The following RASGRP2 variants were observed in gnomAD, a reference collection of about 807,000 sequenced individuals.
RASGRP2 encodes RAS guanyl releasing protein 2.
A neutral mutation model predicts 71.0 loss-of-function variants in RASGRP2; 44 were observed. That is an observed-to-expected ratio of 0.62 (90% confidence interval 0.49 to 0.80). RASGRP2 has a LOEUF of 0.80. Among genes scored for constraint, RASGRP2 ranks in the 30% least tolerant of loss-of-function variants. RASGRP2 has a pLI of 0.00. For missense variants in RASGRP2, 663 were observed against 813.4 expected, an observed-to-expected ratio of 0.82 and a Z score of 2.25; for synonymous variants, 350 against 330.7, an observed-to-expected ratio of 1.06 and a Z score of -0.63.
At position 64,739,566 on chromosome 11, in the gene RASGRP2, G is replaced by C; in HGVS notation, c.696+70C>G. On this transcript the variant is annotated intron_variant, in intron 7 of 16. Coordinates refer to ENST00000394432, the MANE Select transcript of RASGRP2 (RefSeq NM_001098671.2). This position sits in a 1 kb window ranked among gnomAD's most constrained non-coding sequence, Gnocchi z 4.2. ...TATCTAGAGAGAAGGCAGTGGGTTAGGGGAAGGGAAGGGTTGGCCTGACTG... is the reference window on the plus strand; with the variant it reads ...TATCTAGAGAGAAGGCAGTGGGTTACGGGAAGGGAAGGGTTGGCCTGACTG... 6.2e-7 allele frequency: 1 copy of C among 1,611,574 alleles called. No individual in the cohort carries two copies. The highest frequency in any genetic ancestry group is 8.5e-7 in the Non-Finnish European group (1 of 1,177,894).
chr11:64,738,145 C>G (rs1426660004), intron 8 of RASGRP2, among the ~76,000 whole-genome samples: 1 of 152,100 alleles, frequency 6.6e-6, no homozygotes, highest in Admixed American at 6.5e-5. Context: ...AATGAAAAGA[C>G]TCTCAGAACC....
Position 64,742,902 on chromosome 11 carries a change from G to C in RASGRP2, c.-36C>G, listed in dbSNP as rs769207997. ...GCGGGGTGGGCTGGGCCCAGGCTGC[G>C]CTCCGGGAGCCTCCCACCGGGCTCG... On this transcript the variant is annotated 5_prime_UTR_variant, in exon 2 of 17. Transcript: ENST00000394432. The surrounding 1 kb of genome is among the most constrained non-coding windows in gnomAD (Gnocchi z 4.7). 4 of 1,555,388 alleles carry C rather than the reference G, an allele frequency of 2.6e-6. No individual in the cohort carries two copies. The South Asian group carries it at 4.7e-5, about 18-fold the overall frequency.
At chr11:64,740,308 ACTC>A (rs985036484) in intron 5 of RASGRP2, 145 bp from the exon 6 acceptor site, 25 of 969,464 alleles carry the variant, frequency 2.6e-5, no homozygotes, top group African/African-American at 6.4e-5. Context: ...AGTCCCAGCA[ACTC>A]CTCCTCATCT....
intron 5 of RASGRP2, 129 bp downstream of exon 5, chr11:64,740,819 G>A (rs2058096529): frequency 3.2e-6 from 4 of 1,252,798 alleles, no homozygotes; most frequent in Middle Eastern, 3.7e-4. Context: ...AGGCAATAGG[G>A]AGCCATGGAA....
At position 64,739,561 on chromosome 11, in the gene RASGRP2, G is replaced by A; in HGVS notation, c.696+75C>T. The A allele has an allele frequency of 1.9e-6, 3 of 1,610,680 alleles. No homozygotes were observed. Among genetic ancestry groups the A allele is most frequent in the Non-Finnish European group, 2.5e-6 (3 of 1,177,030 alleles). On this transcript the variant is annotated intron_variant, in intron 7 of 16. Transcript: ENST00000394432. The surrounding 1 kb of genome is among the most constrained non-coding windows in gnomAD (Gnocchi z 4.2). ...CAGCTTATCTAGAGAGAAGGCAGTG[G>A]GTTAGGGGAAGGGAAGGGTTGGCCT...
intron 3 of RASGRP2, 25 bp downstream of exon 3, chr11:64,741,985 C>T: frequency 6.3e-7 from 1 of 1,590,354 alleles, no homozygotes; most frequent in Non-Finnish European, 8.6e-7. Flanking sequence ...ACGGCGGGGG[C>T]CTTGGCAAGG....
chr11:64,735,663 G>T lies in RASGRP2; in HGVS notation c.1175C>A (p.Pro392Gln), dbSNP rs748007505. Reference sequence around the variant, plus strand: ...TGGGGTGCAACTCGTGGGGCTGGTTGGCTATGGAAATGGTCGGGCCTGAGC... The same window carrying T: ...TGGGGTGCAACTCGTGGGGCTGGTTTGCTATGGAAATGGTCGGGCCTGAGC... ...LQREPRSKSS[P>Q]TSPTSCTPPP... Residue 392 changes from proline to glutamine, a missense_variant and splice_region_variant, in exon 11 of 17, where the codon CCA (proline) becomes CAA (glutamine). Transcript: ENST00000394432. The surrounding 1 kb of genome is among the most constrained non-coding windows in gnomAD (Gnocchi z 4.2). The T allele has an allele frequency of 3.1e-6, 5 of 1,610,640 alleles. No individual in the cohort carries two copies. In the Admixed American group the frequency reaches 6.7e-5, roughly 22 times the overall value.
chr11:64,742,378 C>A lies in RASGRP2; in HGVS notation c.74-266G>T. On this transcript the variant is annotated intron_variant, in intron 2 of 16. Coordinates refer to ENST00000394432, the MANE Select transcript of RASGRP2 (RefSeq NM_001098671.2). This position sits in a 1 kb window ranked among gnomAD's most constrained non-coding sequence, Gnocchi z 4.7. The stretch of plus-strand genomic sequence containing the variant: ...GGGAACCAGCTGGGGCGGAAGGAGC[C>A]TGGGTTCCCCGGGGTCAAGAATCCA... 1 of 587,040 alleles carries A rather than the reference C, an allele frequency of 1.7e-6. No homozygotes were observed. 36.4% of individuals were successfully genotyped at this position (587,040 alleles called of 1,614,324 possible).
upstream of RASGRP2, chr11:64,744,265 C>T: frequency 5.1e-6 from 5 of 985,650 alleles, no homozygotes; most frequent in Non-Finnish European, 6.0e-6. Flanking sequence ...CTCCCTGACT[C>T]CCCTCACTCC....
chr11:64,739,835 C>T lies in RASGRP2; in HGVS notation c.523-26G>A. On this transcript the variant is annotated intron_variant, in intron 6 of 16. Transcript: ENST00000394432. This position sits in a 1 kb window ranked among gnomAD's most constrained non-coding sequence, Gnocchi z 4.2. ...CTGGGGGCATGAGGAGTGGCCTCAG[C>T]ACCTTGCTGGCCTCTCCCCTCACTG... is the stretch of plus-strand genomic sequence containing the variant. The T allele has an allele frequency of 6.2e-7, 1 of 1,613,042 alleles. No individual in the cohort carries two copies. The highest frequency in any genetic ancestry group is 8.5e-7 in the Non-Finnish European group (1 of 1,179,736).
chr11:64,743,583 T>G lies in RASGRP2; in HGVS notation c.-72+420A>C. On this transcript the variant is annotated intron_variant, in intron 1 of 16. Transcript: ENST00000394432. The surrounding 1 kb of genome is among the most constrained non-coding windows in gnomAD (Gnocchi z 4.9). ...GAGGCGTCAGCGGGAAGCCTGAGCC[T>G]GGGAACTGAGCGCTCCCAGGCCACC... 5.5e-6 allele frequency: 2 copies of G among 365,310 alleles called. No homozygotes were observed. The highest frequency in any genetic ancestry group is 5.3e-6 in the Non-Finnish European group (1 of 189,492). The allele number at this position is 365,310 out of a possible 1,614,324, so 22.6% of individuals were successfully genotyped here. A position where few individuals can be genotyped will look rare whatever the true frequency, so the allele number is the denominator to read the frequency against.
At chr11:64,741,102 A>T in intron 4 of RASGRP2, 23 bp from the exon 5 acceptor site, 1 of 1,610,072 alleles carries the variant, frequency 6.2e-7, no homozygotes, top group Non-Finnish European at 8.5e-7. Flanking sequence ...GGAGTCACCC[A>T]AGATAGCCCT....
rs895792195 is a variant in RASGRP2, at chr11:64,727,359, C to G, written c.1773G>C (p.Glu591Asp). 1 of 1,613,908 alleles carries G rather than the reference C, an allele frequency of 6.2e-7. No homozygotes were observed. Among genetic ancestry groups the G allele is most frequent in the Non-Finnish European group, 8.5e-7 (1 of 1,179,882 alleles). The change falls in exon 16 of 17, where the codon GAG (glutamate) becomes GAC (aspartate). Residue 591 changes from glutamate to aspartate, a missense_variant and splice_region_variant. Coordinates refer to ENST00000394432, the MANE Select transcript of RASGRP2 (RefSeq NM_001098671.2). Reference protein sequence around the residue: ...RPGRRGSRPPEIREEEVQTVE... With the variant: ...RPGRRGSRPPDIREEEVQTVE... ...CCGTCTGTACCTCCTCCTCACGGAT[C>G]TCTGCTGGGAGGGGGATTGCTGCAG...
At position 64,735,949 on chromosome 11, in the gene RASGRP2, T is replaced by C. The variant is rs777519573; in HGVS notation, c.1127A>G (p.Glu376Gly). 3 of 1,613,930 alleles carry C rather than the reference T, an allele frequency of 1.9e-6. No homozygotes were observed. The highest frequency in any genetic ancestry group is 2.2e-5 in the South Asian group (2 of 91,072). ...VSLDQYQTED[E>G]LYQLSLQREP... Reference sequence around the variant, plus strand: ...CCGCTGCAGGGACAGCTGGTACAGCTCATCCTCCGTCTGATACTGATCCAG... The same window carrying C: ...CCGCTGCAGGGACAGCTGGTACAGCCCATCCTCCGTCTGATACTGATCCAG... The change falls in exon 10 of 17, where the codon GAG becomes GGG. Residue 376 changes from glutamate (E) to glycine (G), a missense_variant. Glu to Gly is a moderately conservative substitution (Grantham distance 98). Transcript: ENST00000394432. This position sits in a 1 kb window ranked among gnomAD's most constrained non-coding sequence, Gnocchi z 4.2.
Position 64,729,002 on chromosome 11 carries a change from C to A in RASGRP2, c.1632G>T (p.Leu544=). The change falls in exon 15 of 17, where the codon CTG becomes CTT. Residue 544 remains leucine, a synonymous_variant. Transcript: ENST00000394432. ...VNCHKQCKDR[L]SVECRRRAQS... is the part of the protein sequence containing the mutation. ...GGGCCCTGCGCCGACACTCAACTGA[C>A]AGGCGATCCTTGCACTGCTTGTGGC... The A allele has an allele frequency of 6.2e-7, 1 of 1,607,104 alleles. No homozygotes were observed. Among genetic ancestry groups the A allele is most frequent in the Non-Finnish European group, 8.5e-7 (1 of 1,179,050 alleles).
At chr11:64,741,526 G>A (rs780839438) in intron 3 of RASGRP2, 25 bp from the exon 4 acceptor site, 69 of 1,545,372 alleles carry the variant, frequency 4.5e-5, no homozygotes, top group Admixed American at 7.5e-5. Context: ...TAAGGAGGCC[G>A]CTTAACTCTA....
rs1395978357 is a variant in RASGRP2, at chr11:64,740,274, A to G, written c.372-111T>C. 3 of 1,402,934 alleles carry G rather than the reference A, an allele frequency of 2.1e-6. No homozygotes were observed. In the South Asian group the frequency reaches 3.5e-5, roughly 16 times the overall value. 86.9% of individuals were successfully genotyped at this position (1,402,934 alleles called of 1,614,324 possible). ...ACTGAGAACCTACATAATGCGAGGC[A>G]CTGTCCTAGGCACGAATGTTCCCAG... On this transcript the variant is annotated intron_variant, in intron 5 of 16. Transcript: ENST00000394432.
chr11:64,730,721 G>A (rs2057738228), intron 12 of RASGRP2, among the ~76,000 whole-genome samples: 1 of 152,214 alleles, frequency 6.6e-6, no homozygotes, highest in Admixed American at 6.5e-5. Flanking sequence ...GGGAAAGAAT[G>A]AGCACGTGTT....
chr11:64,735,171 G>T lies in RASGRP2; in HGVS notation c.1353C>A (p.Phe451Leu). The T allele has an allele frequency of 6.2e-7, 1 of 1,614,198 alleles. No homozygotes were observed. Among genetic ancestry groups the T allele is most frequent in the Non-Finnish European group, 8.5e-7 (1 of 1,180,032 alleles). The part of the protein sequence containing the change: ...DGDGHISQEE[F>L]QIIRGNFPYL... ...AAGGGAAGTTCCCACGGATGATCTG[G>T]AATTCTTCCTGTGAGATGTGGCCAT... Residue 451 changes from phenylalanine to leucine, a missense_variant, in exon 12 of 17, where the codon TTC (phenylalanine) becomes TTA (leucine). By Grantham distance (22) the Phe-to-Leu change is conservative. Coordinates refer to ENST00000394432, the MANE Select transcript of RASGRP2 (RefSeq NM_001098671.2). The surrounding 1 kb of genome is among the most constrained non-coding windows in gnomAD (Gnocchi z 4.2).
Sources: allele counts gnomAD v4.1 joint callset (sites outside exome capture counted in the v4.1 genomes callset), GRCh38; gene constraint gnomAD v4.1.1; non-coding constraint Gnocchi (gnomAD v3.1); transcripts MANE v1.5; gene names NCBI Gene and HGNC (gene_info 2026-07-23, HGNC 2026-07-21).